Variants in LRRC4C observed in about 807,000 individuals in gnomAD.
LRRC4C encodes the protein leucine rich repeat containing 4C, also known as leucine-rich repeat-containing protein 4C.
In LRRC4C, 5 loss-of-function variants were observed where a neutral mutation model predicts 33.6. The observed-to-expected ratio is 0.15, with a 90% CI of 0.08 to 0.31. LRRC4C has a LOEUF of 0.31. Among genes scored for constraint, LRRC4C ranks in the 10% least tolerant of loss-of-function variants. The pLI, the probability that LRRC4C is intolerant of heterozygous loss-of-function variation, is 1.00. For missense variants in LRRC4C, 560 were observed against 796.7 expected, an observed-to-expected ratio of 0.70 and a Z score of 3.58; for synonymous variants, 329 against 302.0, an observed-to-expected ratio of 1.09 and a Z score of -0.93.
chr11:40,684,720 ACAAT>A (rs1424999764), intron 2 of LRRC4C, among the ~76,000 whole-genome samples: 9 of 152,070 alleles, frequency 5.9e-5, no homozygotes, highest in African/African-American at 1.9e-4. Context: ...ATTTTAAAAA[ACAAT>A]CAGAGAGGAA....
intron 2 of LRRC4C, among the ~76,000 whole-genome samples, chr11:40,926,219 C>T (rs907610473): frequency 6.6e-6 from 1 of 152,114 alleles, no homozygotes; most frequent in Non-Finnish European, 1.5e-5. Flanking sequence ...GGCAGCAATG[C>T]CTACTAGGGA....
chr11:40,906,082 T>C (rs1956403585), intron 2 of LRRC4C, among the ~76,000 whole-genome samples: 4 of 152,170 alleles, frequency 2.6e-5, no homozygotes. Context: ...TCAGCAGCCA[T>C]CAACATGGAG....
intron 3 of LRRC4C, among the ~76,000 whole-genome samples, chr11:40,578,837 T>A (rs1277937507): frequency 6.6e-6 from 1 of 152,108 alleles, no homozygotes; most frequent in Non-Finnish European, 1.5e-5. Flanking sequence ...AAGATTTGTG[T>A]CTGTTTATTT....
chr11:41,096,340 G>GA (rs1353194283), intron 1 of LRRC4C, among the ~76,000 whole-genome samples: 2 of 151,844 alleles, frequency 1.3e-5, no homozygotes, highest in Admixed American at 6.6e-5. Context: ...TTTTGTAAGG[G>GA]AAAAAAATAC....
intron 3 of LRRC4C, among the ~76,000 whole-genome samples, chr11:40,640,866 A>T (rs1436889197): frequency 6.6e-6 from 1 of 151,966 alleles, no homozygotes. Context: ...AATACAAAAA[A>T]TCAGCCGGGC....
At chr11:41,200,812 C>A (rs1946373387) in intron 1 of LRRC4C, among the ~76,000 whole-genome samples, 1 of 152,088 alleles carries the variant, frequency 6.6e-6, no homozygotes, top group Non-Finnish European at 1.5e-5. Flanking sequence ...CAAATTTGAA[C>A]CACTGTATTT....
At chr11:40,271,489 T>C (rs1942695449) in intron 4 of LRRC4C, among the ~76,000 whole-genome samples, 1 of 152,182 alleles carries the variant, frequency 6.6e-6, no homozygotes, top group African/African-American at 2.4e-5. Context: ...CATAAACTGA[T>C]AGTGGTTAGC....
At chr11:40,208,292 A>G (rs1863310576) in intron 5 of LRRC4C, among the ~76,000 whole-genome samples, 1 of 152,214 alleles carries the variant, frequency 6.6e-6, no homozygotes, top group Non-Finnish European at 1.5e-5. Flanking sequence ...AAATGAAGAC[A>G]AAGTGATTTT....
intron 2 of LRRC4C, among the ~76,000 whole-genome samples, chr11:40,736,176 C>G (rs1452388407): frequency 6.6e-6 from 1 of 151,908 alleles, no homozygotes; most frequent in Non-Finnish European, 1.5e-5. Context: ...CCCCCACCCC[C>G]AAACAGGCCC....
At chr11:40,656,468 G>T (rs1228860852) in intron 2 of LRRC4C, among the ~76,000 whole-genome samples, 1 of 129,080 alleles carries the variant, frequency 7.7e-6, no homozygotes, top group African/African-American at 2.7e-5. Flanking sequence ...ACAGAAGTGG[G>T]TCACTTTTTT....
chr11:40,661,024 C>T (rs1299094352), intron 2 of LRRC4C, among the ~76,000 whole-genome samples: 2 of 152,080 alleles, frequency 1.3e-5, no homozygotes, highest in East Asian at 3.9e-4. Flanking sequence ...GCATTTGTGT[C>T]ACCAGCATTC....
At chr11:40,857,783 C>A (rs928403079) in intron 2 of LRRC4C, among the ~76,000 whole-genome samples, 1 of 151,972 alleles carries the variant, frequency 6.6e-6, no homozygotes, top group Non-Finnish European at 1.5e-5. Flanking sequence ...GGCATGGTGG[C>A]ATGCACCTGT....
At chr11:40,439,861 T>C (rs903854209) in intron 3 of LRRC4C, among the ~76,000 whole-genome samples, 1 of 152,198 alleles carries the variant, frequency 6.6e-6, no homozygotes, top group African/African-American at 2.4e-5. Flanking sequence ...CAACTAGTCA[T>C]GTGGGAAAGC....
intron 3 of LRRC4C, among the ~76,000 whole-genome samples, chr11:40,590,793 G>C (rs1423405683): frequency 2.6e-5 from 4 of 152,202 alleles, no homozygotes; most frequent in Non-Finnish European, 2.9e-5. Context: ...GCTGCTCGGG[G>C]GTCAGGGGTC....
chr11:40,446,180 G>A (rs1951627734), intron 3 of LRRC4C: 1 of 152,244 alleles, frequency 6.6e-6, no homozygotes, highest in Non-Finnish European at 1.5e-5. Flanking sequence ...AATATTGCCT[G>A]CATGTTAAAG....
At chr11:41,329,536 A>C (rs932685784) in intron 1 of LRRC4C, among the ~76,000 whole-genome samples, 7 of 152,108 alleles carry the variant, frequency 4.6e-5, no homozygotes, top group Non-Finnish European at 8.8e-5. Flanking sequence ...TTCACTTCCA[A>C]TCAGTCTCCA....
At chr11:40,848,743 G>C (rs1953327492) in intron 2 of LRRC4C, among the ~76,000 whole-genome samples, 1 of 152,088 alleles carries the variant, frequency 6.6e-6, no homozygotes, top group Non-Finnish European at 1.5e-5. Flanking sequence ...TGACAGTGGG[G>C]TGTTAAATTC....
intron 1 of LRRC4C, among the ~76,000 whole-genome samples, chr11:41,206,791 C>T (rs1946619341): frequency 6.6e-6 from 1 of 151,964 alleles, no homozygotes; most frequent in Admixed American, 6.6e-5. Context: ...TGGGGGTTTC[C>T]CTGTATAATC....
At chr11:40,162,836 G>A (rs1287853738) in intron 5 of LRRC4C, among the ~76,000 whole-genome samples, 1 of 152,158 alleles carries the variant, frequency 6.6e-6, no homozygotes, top group Admixed American at 6.5e-5. Context: ...ATACAACAAT[G>A]AGGCACTTTA....
Sources: gnomAD v4.1 joint callset for allele counts (sites outside exome capture counted in the v4.1 genomes callset) on GRCh38, gnomAD v4.1.1 for gene constraint, MANE v1.5 for transcripts, NCBI Gene and HGNC (gene_info 2026-07-23, HGNC 2026-07-21) for gene names.